MIPEP: variants seen among roughly 807,000 people sequenced by gnomAD.
MIPEP encodes mitochondrial intermediate peptidase.
Under a neutral mutation model 90.3 loss-of-function variants are expected in MIPEP, and 79 were observed. The observed-to-expected ratio is 0.87, with a 90% CI of 0.73 to 1.05. The LOEUF (loss-of-function observed/expected upper bound fraction) is 1.05, where lower values mean the gene tolerates loss of function less well. Ranked by LOEUF, MIPEP falls within the 50% of genes least tolerant of loss-of-function variation. MIPEP has a pLI of 0.00. For synonymous variants in MIPEP, 334 were observed against 315.8 expected (o/e 1.06, Z -0.61); for missense variants, 940 against 905.6 (o/e 1.04, Z -0.49).
intron 10 of MIPEP, among the ~76,000 whole-genome samples, chr13:23,854,208 T>G (rs1214256724): frequency 5.7e-5 from 6 of 104,506 alleles, no homozygotes; most frequent in Admixed American, 1.0e-4. Flanking sequence ...TTTTTTTTTT[T>G]GTAGAATCTG....
chr13:23,869,014 G>A (rs1870662323), intron 7 of MIPEP, among the ~76,000 whole-genome samples: 1 of 152,118 alleles, frequency 6.6e-6, no homozygotes, highest in Non-Finnish European at 1.5e-5. Context: ...CAGAAACTGT[G>A]TTAAAATGAA....
At chr13:23,876,673 C>T (rs1871086744) in intron 4 of MIPEP, among the ~76,000 whole-genome samples, 2 of 147,294 alleles carry the variant, frequency 1.4e-5, no homozygotes, top group African/African-American at 4.8e-5. Context: ...ATATCAGAAC[C>T]ATTTGTCAAC....
At position 23,785,313 on chromosome 13, in the gene MIPEP, A is replaced by G. The variant is rs150016942; in HGVS notation, c.1848+20637T>C. On this transcript the variant is annotated intron_variant, in intron 16 of 18. Transcript: ENST00000382172. ...ACCATGGAATACTATGCAGCCATAA[A>G]AAATGATGAGTTCATGTCCTTTGTA... Among the ~76,000 whole-genome samples the G allele has an allele frequency of 0.024, 3,645 of 152,292 alleles. 355 individuals are homozygous for G. The East Asian group carries it at 0.31, about 13-fold the overall frequency.
chr13:23,788,907 G>C (rs1242831034), intron 16 of MIPEP, among the ~76,000 whole-genome samples: 1 of 152,136 alleles, frequency 6.6e-6, no homozygotes, highest in African/African-American at 2.4e-5. Flanking sequence ...ATCTATCTCA[G>C]TGGAGCAATC....
At chr13:23,851,527 G>A (rs1428332886) in intron 10 of MIPEP, among the ~76,000 whole-genome samples, 3 of 152,106 alleles carry the variant, frequency 2.0e-5, no homozygotes, top group Non-Finnish European at 2.9e-5. Flanking sequence ...AAATGACTGA[G>A]GAAAAACTGG....
intron 1 of MIPEP, among the ~76,000 whole-genome samples, chr13:23,887,076 C>G (rs1368639630): frequency 2.0e-5 from 3 of 152,132 alleles, no homozygotes; most frequent in African/African-American, 4.8e-5. Context: ...ACCAATTATT[C>G]TATAACTATC....
intron 16 of MIPEP, among the ~76,000 whole-genome samples, chr13:23,778,950 C>T (rs753916420): frequency 1.4e-4 from 22 of 152,330 alleles, no homozygotes; most frequent in Non-Finnish European, 3.1e-4. Flanking sequence ...GCCACCTCTA[C>T]TCATGTTGTA....
At chr13:23,747,352 G>A (rs539902378) in intron 18 of MIPEP, among the ~76,000 whole-genome samples, 28 of 152,292 alleles carry the variant, frequency 1.8e-4, no homozygotes, top group African/African-American at 6.7e-4. Context: ...CTTATGAAGA[G>A]GTGCTTGACT....
intron 18 of MIPEP, among the ~76,000 whole-genome samples, chr13:23,736,446 A>G (rs1849543248): frequency 6.6e-6 from 1 of 152,216 alleles, no homozygotes; most frequent in South Asian, 2.1e-4. Context: ...CAAATGGGCT[A>G]AGAAAAGATG....
At chr13:23,736,516 T>G (rs147185426) in intron 18 of MIPEP, among the ~76,000 whole-genome samples, 36 of 152,358 alleles carry the variant, frequency 2.4e-4, no homozygotes, top group African/African-American at 6.7e-4. Context: ...TTTCATAACC[T>G]TGAAGTACTA....
intron 14 of MIPEP, among the ~76,000 whole-genome samples, chr13:23,829,839 C>G (rs189267574): frequency 4.6e-5 from 7 of 152,214 alleles, no homozygotes; most frequent in Admixed American, 2.0e-4. Flanking sequence ...AATCAGAGAA[C>G]ACTGCTGCTA....
At chr13:23,852,887 T>A (rs1263620570) in intron 10 of MIPEP, among the ~76,000 whole-genome samples, 2 of 152,200 alleles carry the variant, frequency 1.3e-5, no homozygotes, top group African/African-American at 4.8e-5. Flanking sequence ...TTGATGATTC[T>A]GACCCTGTGT....
intron 16 of MIPEP, among the ~76,000 whole-genome samples, chr13:23,776,819 T>TAA (rs34142881): frequency 4.1e-5 from 6 of 147,444 alleles, no homozygotes; most frequent in Admixed American, 6.7e-5. Flanking sequence ...TGACCTGCAT[T>TAA]AAAAAAAAAA....
intron 10 of MIPEP, among the ~76,000 whole-genome samples, chr13:23,845,566 TAA>T (rs1265592440): frequency 6.6e-6 from 1 of 152,212 alleles, no homozygotes; most frequent in African/African-American, 2.4e-5. Context: ...GTTTATCTGT[TAA>T]AGTGATGCCA....
intron 16 of MIPEP, among the ~76,000 whole-genome samples, chr13:23,796,255 C>A (rs1486467073): frequency 6.6e-6 from 1 of 152,034 alleles, no homozygotes; most frequent in African/African-American, 2.4e-5. Context: ...CACATCTCTA[C>A]CAAAAATACA....
chr13:23,746,011 C>T (rs1299429057), intron 18 of MIPEP, among the ~76,000 whole-genome samples: 3 of 82,336 alleles, frequency 3.6e-5, no homozygotes, highest in African/African-American at 1.0e-4. Flanking sequence ...GCCCACTCAG[C>T]ACACTTTTTT....
intron 18 of MIPEP, among the ~76,000 whole-genome samples, chr13:23,737,568 T>C (rs747728216): frequency 6.6e-6 from 1 of 152,204 alleles, no homozygotes; most frequent in Non-Finnish European, 1.5e-5. Context: ...TATATATGTG[T>C]ACAAAGCTGC....
At chr13:23,782,345 C>CT (rs1448493053) in intron 16 of MIPEP, among the ~76,000 whole-genome samples, 2 of 152,078 alleles carry the variant, frequency 1.3e-5, no homozygotes, top group Non-Finnish European at 2.9e-5. Flanking sequence ...CAACCTGCTC[C>CT]TGAACGACCA....
intron 9 of MIPEP, 82 bp downstream of exon 9, chr13:23,862,220 C>T (rs769505318): frequency 2.3e-4 from 200 of 859,080 alleles, no homozygotes; most frequent in Non-Finnish European, 3.4e-4. Flanking sequence ...TAGCCTATCA[C>T]AAGAAAGTTC....
Sources: gnomAD v4.1 joint callset for allele counts (sites outside exome capture counted in the v4.1 genomes callset) on GRCh38, gnomAD v4.1.1 for gene constraint, MANE v1.5 for transcripts, NCBI Gene and HGNC (gene_info 2026-07-23, HGNC 2026-07-21) for gene names.